TDRD7: variants seen among roughly 807,000 people sequenced by gnomAD.
TDRD7 encodes tudor domain containing 7.
TDRD7 carries 47 observed loss-of-function variants against 109.8 expected under a neutral mutation model. That is an observed-to-expected ratio of 0.43 (90% CI 0.34 to 0.55). The LOEUF (loss-of-function observed/expected upper bound fraction) is 0.55. Ranked by LOEUF, TDRD7 falls within the 20% of genes least tolerant of loss-of-function variation. TDRD7 has a pLI of 0.03. For missense variants in TDRD7, 1,164 were observed against 1,319.2 expected (o/e 0.88, Z 1.82); for synonymous variants, 424 against 457.3 (o/e 0.93, Z 0.93).
chr9:97,494,279 T>TGGGGTTCC (rs997801066), intron 16 of TDRD7, among the ~76,000 whole-genome samples: 1 of 152,212 alleles, frequency 6.6e-6, no homozygotes, highest in African/African-American at 2.4e-5. Flanking sequence ...TCCCTCCATT[T>TGGGGTTCC]GGGGTTCCTG....
intron 6 of TDRD7, among the ~76,000 whole-genome samples, chr9:97,457,599 C>T (rs1428592652): frequency 1.3e-5 from 2 of 152,024 alleles, no homozygotes; most frequent in Non-Finnish European, 2.9e-5. Context: ...AGGCTGGTCT[C>T]GAACTCCTGA....
At chr9:97,475,822 AGT>A (rs1269837915) in intron 12 of TDRD7, among the ~76,000 whole-genome samples, 12 of 152,228 alleles carry the variant, frequency 7.9e-5, no homozygotes, top group African/African-American at 2.7e-4. Context: ...CAAATGAATA[AGT>A]GTAACTAAAT....
intron 1 of TDRD7, among the ~76,000 whole-genome samples, chr9:97,426,217 A>G (rs973148116): frequency 6.6e-6 from 1 of 152,190 alleles, no homozygotes. Context: ...CTGTACACTT[A>G]GGCGACACTA....
chr9:97,466,618 G>A (rs1423435425), intron 8 of TDRD7, among the ~76,000 whole-genome samples: 1 of 152,144 alleles, frequency 6.6e-6, no homozygotes, highest in Non-Finnish European at 1.5e-5. Context: ...ACAATACAAA[G>A]GAATTAACTA....
intron 2 of TDRD7, 150 bp from the exon 3 acceptor site, chr9:97,430,783 T>A (rs1045246228): frequency 1.1e-6 from 1 of 886,906 alleles, no homozygotes; most frequent in Admixed American, 2.0e-5. Context: ...AATTTTCTTC[T>A]AGCATTATCA....
intron 14 of TDRD7, 146 bp downstream of exon 14, chr9:97,481,084 C>G: frequency 1.4e-6 from 1 of 725,668 alleles, no homozygotes; most frequent in South Asian, 1.4e-5. Context: ...AAATTGGCTA[C>G]ATGTGTAGCT....
intron 1 of TDRD7, among the ~76,000 whole-genome samples, chr9:97,425,246 T>C (rs1269161296): frequency 6.6e-6 from 1 of 152,194 alleles, no homozygotes; most frequent in African/African-American, 2.4e-5. Flanking sequence ...GGGTAAACTT[T>C]CCCTAAAGGA....
At chr9:97,485,864 A>G (rs1464316057) in intron 15 of TDRD7, among the ~76,000 whole-genome samples, 3 of 152,132 alleles carry the variant, frequency 2.0e-5, no homozygotes, top group Admixed American at 6.5e-5. Context: ...TGTACATACT[A>G]TGTATCCTTT....
intron 5 of TDRD7, 25 bp from the exon 6 acceptor site, chr9:97,441,633 A>G: frequency 6.4e-7 from 1 of 1,551,102 alleles, no homozygotes; most frequent in Non-Finnish European, 8.8e-7. Flanking sequence ...ATTTTGGTTA[A>G]TTCTATTATT....
At chr9:97,482,302 A>G (rs960733373) in intron 14 of TDRD7, among the ~76,000 whole-genome samples, 15 of 152,152 alleles carry the variant, frequency 9.9e-5, no homozygotes, top group African/African-American at 3.1e-4. Flanking sequence ...GGGTGAGGAC[A>G]TATACTAGGA....
chr9:97,442,792 A>ATT (rs376896278), intron 6 of TDRD7, among the ~76,000 whole-genome samples: 9 of 145,164 alleles, frequency 6.2e-5, no homozygotes, highest in African/African-American at 2.0e-4. Context: ...GAAAGCATGT[A>ATT]TTTTTTTTTT....
intron 7 of TDRD7, among the ~76,000 whole-genome samples, chr9:97,463,768 C>T: frequency 6.6e-6 from 1 of 152,082 alleles, no homozygotes; most frequent in East Asian, 1.9e-4. Flanking sequence ...ATAACATGAA[C>T]TGGAACAAGG....
At chr9:97,449,365 A>G (rs1337042593) in intron 6 of TDRD7, among the ~76,000 whole-genome samples, 2 of 152,190 alleles carry the variant, frequency 1.3e-5, no homozygotes, top group Admixed American at 6.5e-5. Flanking sequence ...GGTCCTCTAC[A>G]TATACACTAG....
intron 7 of TDRD7, among the ~76,000 whole-genome samples, chr9:97,463,165 A>G (rs2131152623): frequency 6.6e-6 from 1 of 152,340 alleles, no homozygotes; most frequent in Middle Eastern, 3.4e-3. Context: ...CATCCTCCCA[A>G]CTACTCAGCA....
chr9:97,453,011 A>T (rs1039151791), intron 6 of TDRD7, among the ~76,000 whole-genome samples: 1 of 152,216 alleles, frequency 6.6e-6, no homozygotes, highest in African/African-American at 2.4e-5. Flanking sequence ...AGCATCCCAG[A>T]TTCTCAGTAC....
rs10982012 is a variant in TDRD7 at position 97,412,112 on chromosome 9, C to G, written c.-133C>G. 3,750 of 152,826 alleles carry G rather than the reference C, an allele frequency of 0.025. 109 individuals are homozygous for G. Among genetic ancestry groups the G allele is most frequent in the East Asian group, 0.12 (641 of 5,152 alleles). The allele number at this position is 152,826 out of a possible 1,614,324, so 9.5% of individuals were successfully genotyped here. A position where few individuals can be genotyped will look rare whatever the true frequency, so the allele number is the denominator to read the frequency against. ...CGGGGGCTTGAGGTGATTCCCAAGC[C>G]GCGGGGCGGCTCCGGTGGTGCGGGG... On this transcript the variant is annotated 5_prime_UTR_variant, in exon 1 of 17. Transcript: ENST00000355295. The surrounding 1 kb of genome is among the most constrained non-coding windows in gnomAD (Gnocchi z 4.3).
At position 97,460,228 on chromosome 9, in the gene TDRD7, G is replaced by A. The variant is rs1248541232; in HGVS notation, c.906G>A (p.Lys302=). 5.0e-6 allele frequency: 8 copies of A among 1,614,218 alleles called. No individual in the cohort carries two copies. The highest frequency in any genetic ancestry group is 6.8e-6 in the Non-Finnish European group (8 of 1,180,038). ...GGQDLLLYPA[K]RKQLLRSELD... ...AAGATTTACTTCTTTATCCAGCTAA[G>A]AGAAAGCAGCTTTTGAGAAGTGAAC... Residue 302 remains lysine (K), a synonymous_variant, in exon 7 of 17, where the codon AAG becomes AAA. Transcript: ENST00000355295.
chr9:97,489,605 T>G (rs1437275470), intron 16 of TDRD7, among the ~76,000 whole-genome samples: 3 of 152,218 alleles, frequency 2.0e-5, no homozygotes, highest in Admixed American at 6.5e-5. Context: ...TCTGACAATC[T>G]CTGTCTTTTA....
chr9:97,487,453 T>C (rs1467584354), intron 16 of TDRD7, 121 bp downstream of exon 16: 39 of 1,285,730 alleles, frequency 3.0e-5, no homozygotes, highest in Admixed American at 5.3e-5. Flanking sequence ...TTTTTGTTTT[T>C]TTGTGCTAAT....
Sources: gnomAD v4.1 joint callset for allele counts (sites outside exome capture counted in the v4.1 genomes callset) on GRCh38, gnomAD v4.1.1 for gene constraint, Gnocchi (gnomAD v3.1) non-coding constraint, MANE v1.5 for transcripts, NCBI Gene and HGNC (gene_info 2026-07-23, HGNC 2026-07-21) for gene names.